Variants in SETD3 observed in about 807,000 individuals in gnomAD.
SETD3 encodes SET domain containing 3, actin N3(tau)-histidine methyltransferase, also known as actin-histidine N-methyltransferase.
A neutral mutation model predicts 63.0 loss-of-function variants in SETD3; 19 were observed. The ratio of observed to expected loss-of-function variants is 0.30; its 90% confidence interval spans 0.21 to 0.44. The LOEUF is 0.44. Ranked by LOEUF, SETD3 falls within the 20% of genes least tolerant of loss-of-function variation. The pLI is 1.00. For synonymous variants in SETD3, 286 were observed against 264.1 expected (o/e 1.08, Z -0.80); for missense variants, 587 against 728.5 (o/e 0.81, Z 2.24).
intron 11 of SETD3, among the ~76,000 whole-genome samples, chr14:99,403,777 A>C (rs1891531378): frequency 6.6e-6 from 1 of 152,180 alleles, no homozygotes; most frequent in Non-Finnish European, 1.5e-5. Context: ...GCAATTTCAG[A>C]TTTAGAATGC....
At chr14:99,424,043 A>C (rs1892744024) in intron 6 of SETD3, among the ~76,000 whole-genome samples, 1 of 152,092 alleles carries the variant, frequency 6.6e-6, no homozygotes, top group Non-Finnish European at 1.5e-5. Context: ...CTGGAAACAA[A>C]TTTTCAATGA....
rs567651932 is a variant in SETD3 at position 99,420,815 on chromosome 14, C to T, written c.676-6881G>A. ...ACCAAATGGTCACCAAATCTCGCCC[C>T]ACCCCCAACTCACCCCGAACATGTA... On this transcript the variant is annotated intron_variant, in intron 6 of 12. Coordinates refer to ENST00000331768, the MANE Select transcript of SETD3 (RefSeq NM_032233.3). Among the ~76,000 whole-genome samples, 12 of 152,030 alleles carry T rather than the reference C, an allele frequency of 7.9e-5. No homozygotes were observed. The East Asian group carries it at 2.3e-3, about 29-fold the overall frequency.
At chr14:99,442,515 C>T (rs1245428355) in intron 6 of SETD3, among the ~76,000 whole-genome samples, 1 of 152,206 alleles carries the variant, frequency 6.6e-6, no homozygotes, top group African/African-American at 2.4e-5. Context: ...AGATCTGCCA[C>T]TCCTGAGACA....
chr14:99,469,819 C>T (rs1002472027), intron 1 of SETD3, among the ~76,000 whole-genome samples: 1 of 152,220 alleles, frequency 6.6e-6, no homozygotes, highest in Non-Finnish European at 1.5e-5. Context: ...AGGCCCCAGC[C>T]TTGCAGAAGG....
chr14:99,480,865 G>T (rs574152979), upstream of SETD3: 1,100 of 155,748 alleles, frequency 7.1e-3, 9 homozygotes, highest in African/African-American at 0.025. Context: ...AGCCTGAGAC[G>T]GCCCCGCGAC....
Position 99,432,595 on chromosome 14 carries a change from G to A in SETD3, c.676-18661C>T, listed in dbSNP as rs556068466. Among the ~76,000 whole-genome samples the A allele has an allele frequency of 1.3e-4, 20 of 152,338 alleles. 1 individual carries two copies. The highest frequency in any genetic ancestry group is 6.8e-3 in the Middle Eastern group (2 of 294). On this transcript the variant is annotated intron_variant, in intron 6 of 12. Coordinates refer to ENST00000331768, the MANE Select transcript of SETD3 (RefSeq NM_032233.3). ...TAAACAAAAGTCTAAGGGCACAGAT[G>A]TGGAATGACCAAGATTTCTCTTAAA...
intron 6 of SETD3, among the ~76,000 whole-genome samples, chr14:99,420,972 G>GT: frequency 1.1e-5 from 1 of 89,040 alleles, no homozygotes; most frequent in Non-Finnish European, 2.3e-5. Context: ...GGGGGGGGGG[G>GT]GGGGTGGGAG....
intron 6 of SETD3, among the ~76,000 whole-genome samples, chr14:99,430,083 C>G (rs1016138228): frequency 3.3e-5 from 5 of 152,198 alleles, no homozygotes; most frequent in Admixed American, 6.5e-5. Flanking sequence ...GCCCAGGAAA[C>G]AGCGTTTTCA....
chr14:99,402,150 G>C lies in SETD3; in HGVS notation c.1178-1891C>G, dbSNP rs74081639. 9.5e-3 allele frequency among the ~76,000 whole-genome samples: 1,440 copies of C among 152,218 alleles called. 24 individuals are homozygous for C. The highest frequency in any genetic ancestry group is 0.033 in the African/African-American group (1,381 of 41,526). The stretch of plus-strand genomic sequence containing the variant: ...GCTCAAGCTCCTCCCTATGCTAAAG[G>C]TCTTCAGTCATACCCCTCCCCTCCT... On this transcript the variant is annotated intron_variant, in intron 11 of 12. Coordinates refer to ENST00000331768, the MANE Select transcript of SETD3 (RefSeq NM_032233.3).
rs775059944 is a variant in SETD3, at chr14:99,459,191, GA to G, written c.346-7del. ...CATAAAAACAATTCTTCTGCCTAGG[GA>G]AAAAAATAATAATAGGAGAATCATC... On this transcript the variant is annotated splice_polypyrimidine_tract_variant and splice_region_variant and intron_variant, in intron 4 of 12. Coordinates refer to ENST00000331768, the MANE Select transcript of SETD3 (RefSeq NM_032233.3). 6 of 1,598,164 alleles carry G rather than the reference GA, an allele frequency of 3.8e-6. No individual in the cohort carries two copies. Among genetic ancestry groups the G allele is most frequent in the South Asian group, 2.2e-5 (2 of 89,530 alleles).
At chr14:99,420,666 A>G (rs1485859535) in intron 6 of SETD3, among the ~76,000 whole-genome samples, 2 of 151,848 alleles carry the variant, frequency 1.3e-5, no homozygotes, top group Non-Finnish European at 2.9e-5. Context: ...TTCTTCTACC[A>G]TCTAGGGGCC....
chr14:99,413,788 C>T, intron 7 of SETD3, 88 bp downstream of exon 7: 1 of 1,258,536 alleles, frequency 7.9e-7, no homozygotes. Flanking sequence ...CAGGTCACTT[C>T]TCACTGAAGC....
In SETD3 at chr14:99,400,171, G is replaced by A. The variant is rs755636503; in HGVS notation, c.1266C>T (p.Asn422=). ...GNSEFPVSWD[N]EVKLWTFLED... is the part of the protein sequence containing the mutation. ...CAAGAAATGTCCAAAGTTTGACCTCGTTGTCCCAGCTAACAGGAAATTCCG... is the reference window on the plus strand; with the variant it reads ...CAAGAAATGTCCAAAGTTTGACCTCATTGTCCCAGCTAACAGGAAATTCCG... Residue 422 remains asparagine (N), a synonymous_variant, in exon 12 of 13, where the codon AAC becomes AAT. Coordinates refer to ENST00000331768, the MANE Select transcript of SETD3 (RefSeq NM_032233.3). The A allele has an allele frequency of 2.4e-5, 38 of 1,614,076 alleles. No homozygotes were observed. The highest frequency in any genetic ancestry group is 3.1e-5 in the Non-Finnish European group (37 of 1,179,996).
chr14:99,448,711 C>G (rs886770000), intron 6 of SETD3, among the ~76,000 whole-genome samples: 2 of 152,154 alleles, frequency 1.3e-5, no homozygotes, highest in African/African-American at 4.8e-5. Flanking sequence ...GCTCATACCC[C>G]TCAGTCAGCA....
At chr14:99,454,735 C>T (rs1031665060) in intron 6 of SETD3, among the ~76,000 whole-genome samples, 11 of 142,126 alleles carry the variant, frequency 7.7e-5, no homozygotes, top group Admixed American at 7.3e-4. Flanking sequence ...GGAAGGAAGG[C>T]GCGGAGACCG....
intron 1 of SETD3, among the ~76,000 whole-genome samples, chr14:99,467,857 C>T (rs1895478907): frequency 6.6e-6 from 1 of 152,098 alleles, no homozygotes; most frequent in Non-Finnish European, 1.5e-5. Flanking sequence ...TGCCTGCAGC[C>T]CCTCACCTCC....
chr14:99,454,975 A>G (rs1322880477), intron 6 of SETD3, among the ~76,000 whole-genome samples: 1 of 152,232 alleles, frequency 6.6e-6, no homozygotes, highest in South Asian at 2.1e-4. Context: ...ACACGAAAAA[A>G]CAGGTCTTCA....
intron 4 of SETD3, 128 bp downstream of exon 4, chr14:99,461,064 G>T: frequency 1.8e-6 from 2 of 1,114,350 alleles, no homozygotes; most frequent in Non-Finnish European, 2.6e-6. Flanking sequence ...CTTCCAGGCT[G>T]CCTATCTGCC....
intron 8 of SETD3, among the ~76,000 whole-genome samples, chr14:99,409,606 C>T (rs1375236537): frequency 2.0e-5 from 3 of 151,994 alleles, no homozygotes; most frequent in Admixed American, 2.0e-4. Flanking sequence ...GGAGGAAGAG[C>T]ACGATATACA....
Sources: allele counts gnomAD v4.1 joint callset (sites outside exome capture counted in the v4.1 genomes callset), GRCh38; gene constraint gnomAD v4.1.1; transcripts MANE v1.5; gene names NCBI Gene and HGNC (gene_info 2026-07-23, HGNC 2026-07-21).